The following TRIT1 variants were observed in gnomAD, a reference collection of about 807,000 sequenced individuals.
The protein encoded by TRIT1 is tRNA dimethylallyltransferase.
TRIT1 carries 43 observed loss-of-function variants against 51.2 expected under a neutral mutation model. That is an observed-to-expected ratio of 0.84 (90% CI 0.66 to 1.08). The LOEUF is 1.08. Among genes scored for constraint, TRIT1 ranks in the 50% least tolerant of loss-of-function variants. The probability of loss-of-function intolerance (pLI) is 0.00; values close to 1 mark genes in which losing one functional copy is unlikely to be tolerated. For missense variants in TRIT1, 528 were observed against 578.4 expected, an observed-to-expected ratio of 0.91 and a Z score of 0.89; for synonymous variants, 184 against 203.9, an observed-to-expected ratio of 0.90 and a Z score of 0.83.
intron 1 of TRIT1, among the ~76,000 whole-genome samples, chr1:39,877,097 T>TC (rs1644094677): frequency 1.4e-5 from 2 of 142,256 alleles, no homozygotes. Flanking sequence ...TGATCCACCA[T>TC]CCCATCTCTC....
intron 1 of TRIT1, among the ~76,000 whole-genome samples, chr1:39,870,134 G>A (rs1217684507): frequency 6.6e-6 from 1 of 152,212 alleles, no homozygotes; most frequent in Non-Finnish European, 1.5e-5. Context: ...GAAAGAAGTA[G>A]ACATGGGAGA....
At position 39,869,919 on chromosome 1, in the gene TRIT1, C is replaced by T. The variant is rs61781264; in HGVS notation, c.175-12502G>A. 3.7e-3 allele frequency among the ~76,000 whole-genome samples: 570 copies of T among 152,106 alleles called. 5 individuals are homozygous for T. The highest frequency in any genetic ancestry group is 0.021 in the East Asian group (109 of 5,112). Reference sequence around the variant, plus strand: ...GGACAGCCTCTGCCCGGCCAGCCGCCCCGTCCGGGAGGCGGGGGGCGCCTC... The same window carrying T: ...GGACAGCCTCTGCCCGGCCAGCCGCTCCGTCCGGGAGGCGGGGGGCGCCTC... On this transcript the variant is annotated intron_variant, in intron 1 of 10. Coordinates refer to ENST00000316891, the MANE Select transcript of TRIT1 (RefSeq NM_017646.6).
At chr1:39,869,313 C>A (rs905705291) in intron 1 of TRIT1, among the ~76,000 whole-genome samples, 4 of 152,224 alleles carry the variant, frequency 2.6e-5, no homozygotes, top group African/African-American at 9.6e-5. Context: ...CCGTGTTGGC[C>A]GGGCTGGTCT....
chr1:39,848,552 A>G (rs936008520), intron 5 of TRIT1, among the ~76,000 whole-genome samples: 14 of 150,914 alleles, frequency 9.3e-5, no homozygotes, highest in Non-Finnish European at 1.6e-4. Flanking sequence ...ACGGCCGGGC[A>G]AGGTGGCTCA....
intron 1 of TRIT1, among the ~76,000 whole-genome samples, chr1:39,867,299 C>T (rs571324417): frequency 6.6e-6 from 1 of 152,164 alleles, no homozygotes; most frequent in Admixed American, 6.5e-5. Flanking sequence ...GCATCCACCA[C>T]CATGCCTGGC....
chr1:39,870,513 T>TAAAAAAAAAAAA (rs60334518), intron 1 of TRIT1, among the ~76,000 whole-genome samples: 27 of 78,780 alleles, frequency 3.4e-4, no homozygotes, highest in East Asian at 1.9e-3. Context: ...CAATAAATAC[T>TAAAAAAAAAAAA]AAAAAAAAAA....
chr1:39,853,183 G>A (rs1005164294), intron 3 of TRIT1, among the ~76,000 whole-genome samples: 1 of 152,108 alleles, frequency 6.6e-6, no homozygotes, highest in African/African-American at 2.4e-5. Context: ...CTCAGCAAGG[G>A]TGAACAAGGA....
intron 1 of TRIT1, chr1:39,863,006 C>A: frequency 1.0e-6 from 1 of 955,180 alleles, no homozygotes; most frequent in South Asian, 4.8e-5. Flanking sequence ...AACTAAGGGA[C>A]AACTGGCTTC....
At chr1:39,850,314 A>G in intron 4 of TRIT1, 53 bp from the exon 5 acceptor site, 1 of 1,597,738 alleles carries the variant, frequency 6.3e-7, no homozygotes, top group Non-Finnish European at 8.5e-7. Context: ...ACCAATAGAA[A>G]ATATTCATTC....
At chr1:39,856,851 G>A (rs1642931699) in intron 2 of TRIT1, among the ~76,000 whole-genome samples, 1 of 152,176 alleles carries the variant, frequency 6.6e-6, no homozygotes, top group Non-Finnish European at 1.5e-5. Context: ...TGGGGTTAAG[G>A]AAATGCTTTA....
At chr1:39,850,065 T>C in intron 5 of TRIT1, 54 bp downstream of exon 5, 1 of 1,596,702 alleles carries the variant, frequency 6.3e-7, no homozygotes, top group South Asian at 1.1e-5. Context: ...ATACAGTAAC[T>C]TATTACTCCA....
Position 39,857,409 on chromosome 1 carries a change from T to G in TRIT1, c.183A>C (p.Glu61Asp), listed in dbSNP as rs918988197. 8.7e-6 allele frequency: 14 copies of G among 1,613,194 alleles called. No homozygotes were observed. Among genetic ancestry groups the G allele is most frequent in the Non-Finnish European group, 1.2e-5 (14 of 1,179,552 alleles). ...CCTTGTTGGTGATGATGTCTAGGCC[T>G]TCATAGACCTAGGGGAAAGAAAATT... ...IVSADSMQVYEGLDIITNKVS... is the reference protein window; with the variant it reads ...IVSADSMQVYDGLDIITNKVS... Residue 61 changes from glutamate to aspartate, a missense_variant, in exon 2 of 11, where the codon GAA becomes GAC. By Grantham distance (45) the Glu-to-Asp change is conservative. This residue lies in a region of TRIT1 where 468 missense variants were observed against 522.6 expected (regional missense o/e 0.90). Transcript: ENST00000316891.
intron 1 of TRIT1, among the ~76,000 whole-genome samples, chr1:39,864,910 C>T (rs538479270): frequency 5.9e-5 from 9 of 152,192 alleles, no homozygotes; most frequent in African/African-American, 2.2e-4. Flanking sequence ...TCCTTCCCTG[C>T]AAGTTATCTT....
intron 1 of TRIT1, among the ~76,000 whole-genome samples, chr1:39,865,270 C>T (rs1643472052): frequency 6.6e-6 from 1 of 152,236 alleles, no homozygotes; most frequent in Admixed American, 6.5e-5. Context: ...CTTCCTCCAT[C>T]TACTTTACTG....
intron 1 of TRIT1, among the ~76,000 whole-genome samples, chr1:39,881,404 G>A (rs1321818450): frequency 3.3e-5 from 5 of 152,082 alleles, no homozygotes; most frequent in East Asian, 1.9e-4. Flanking sequence ...AGTACCATAC[G>A]TACTGCTCAC....
chr1:39,841,117 G>A lies in TRIT1; in HGVS notation c.*627C>T, dbSNP rs1292890257. The stretch of plus-strand genomic sequence containing the variant: ...AGATTTGTAACTCAATAGAAAGACA[G>A]CAGTGATAATAACTCACACATGAGC... On this transcript the variant is annotated 3_prime_UTR_variant, in exon 11 of 11. Coordinates refer to ENST00000316891, the MANE Select transcript of TRIT1 (RefSeq NM_017646.6). 6.6e-6 allele frequency: 1 copy of A among 152,188 alleles called. No homozygotes were observed. Among genetic ancestry groups the A allele is most frequent in the African/African-American group, 2.4e-5 (1 of 41,452 alleles). The allele number at this position is 152,188 out of a possible 1,614,324, so 9.4% of individuals were successfully genotyped here.
intron 1 of TRIT1, among the ~76,000 whole-genome samples, chr1:39,863,282 T>C (rs1367573641): frequency 1.3e-5 from 2 of 152,154 alleles, no homozygotes; most frequent in African/African-American, 4.8e-5. Context: ...CCGGCCAATA[T>C]AGTGAGACTC....
intron 4 of TRIT1, among the ~76,000 whole-genome samples, chr1:39,851,119 A>G (rs987330186): frequency 9.2e-5 from 14 of 151,804 alleles, no homozygotes; most frequent in African/African-American, 3.4e-4. Context: ...AAGAGTGTAG[A>G]CCCCCTTGTC....
intron 1 of TRIT1, among the ~76,000 whole-genome samples, chr1:39,879,423 G>C (rs1644172633): frequency 6.6e-6 from 1 of 151,870 alleles, no homozygotes; most frequent in Non-Finnish European, 1.5e-5. Context: ...TAAGACCTTA[G>C]GCCTATTTTC....
Sources: allele counts gnomAD v4.1 joint callset (sites outside exome capture counted in the v4.1 genomes callset), GRCh38; gene constraint gnomAD v4.1.1; regional missense constraint gnomAD v4.1.1; transcripts MANE v1.5; gene names NCBI Gene and HGNC (gene_info 2026-07-23, HGNC 2026-07-21).